The following ALPL variants were observed in gnomAD, a reference collection of about 807,000 sequenced individuals.
ALPL encodes alkaline phosphatase, biomineralization associated, also known as alkaline phosphatase, tissue-nonspecific isozyme.
Under a neutral mutation model 51.3 loss-of-function variants are expected in ALPL, and 42 were observed. The ratio of observed to expected loss-of-function variants is 0.82; its 90% CI spans 0.64 to 1.06. ALPL has a LOEUF of 1.06. Among genes scored for constraint, ALPL ranks in the 50% least tolerant of loss-of-function variants. The probability of loss-of-function intolerance (pLI) is 0.00; values close to 1 mark genes in which losing one functional copy is unlikely to be tolerated. For synonymous variants in ALPL, 279 were observed against 296.4 expected (o/e 0.94, Z 0.60); for missense variants, 589 against 709.4 (o/e 0.83, Z 1.93).
intron 1 of ALPL, among the ~76,000 whole-genome samples, chr1:21,552,114 T>TCCCCCCCCCCCCCCTCCCC (rs1244827813): frequency 9.7e-5 from 5 of 51,426 alleles, no homozygotes; most frequent in Non-Finnish European, 1.5e-4. Context: ...TTTCCTCCCC[T>TCCCCCCCCCCCCCCTCCCC]TCCCTTTCCT....
At chr1:21,527,549 C>CTTT (rs560294555) in intron 1 of ALPL, among the ~76,000 whole-genome samples, 3 of 138,278 alleles carry the variant, frequency 2.2e-5, no homozygotes, top group Non-Finnish European at 3.2e-5. Context: ...TAGCCTTTAA[C>CTTT]TTTTTTTTTT....
At chr1:21,514,091 C>T in intron 1 of ALPL, among the ~76,000 whole-genome samples, 1 of 152,216 alleles carries the variant, frequency 6.6e-6, no homozygotes, top group African/African-American at 2.4e-5. Context: ...ACACTAGCCC[C>T]TCTTCCATAG....
intron 1 of ALPL, among the ~76,000 whole-genome samples, chr1:21,526,102 T>G (rs1205517259): frequency 1.3e-5 from 2 of 152,194 alleles, no homozygotes; most frequent in African/African-American, 4.8e-5. Flanking sequence ...AGCTAAGCCT[T>G]GGGCAGAATG....
intron 1 of ALPL, among the ~76,000 whole-genome samples, chr1:21,516,273 C>T (rs1043304916): frequency 6.6e-6 from 1 of 152,198 alleles, no homozygotes; most frequent in African/African-American, 2.4e-5. Context: ...GAGTTACTAA[C>T]TGACCCGTCT....
At chr1:21,510,458 CTG>C (rs575740040) in intron 1 of ALPL, among the ~76,000 whole-genome samples, 2 of 152,332 alleles carry the variant, frequency 1.3e-5, no homozygotes, top group East Asian at 3.9e-4. Context: ...GTGGGCCCAG[CTG>C]CCCAGGGAGG....
At chr1:21,576,448 G>A in intron 10 of ALPL, 74 bp from the exon 11 acceptor site, 2 of 1,575,470 alleles carry the variant, frequency 1.3e-6, no homozygotes, top group East Asian at 4.5e-5. Context: ...AGCCACCAAG[G>A]AGCCTAATCT....
intron 4 of ALPL, among the ~76,000 whole-genome samples, chr1:21,562,750 C>G (rs1286542278): frequency 6.6e-6 from 1 of 151,910 alleles, no homozygotes; most frequent in Non-Finnish European, 1.5e-5. Flanking sequence ...AGGCCCCTCC[C>G]TCTCCCTTCT....
intron 1 of ALPL, among the ~76,000 whole-genome samples, chr1:21,552,114 T>TCCCCTCTCCTCCCC (rs1244827813): frequency 3.9e-5 from 2 of 51,434 alleles, no homozygotes; most frequent in Non-Finnish European, 7.3e-5. Flanking sequence ...TTTCCTCCCC[T>TCCCCTCTCCTCCCC]TCCCTTTCCT....
chr1:21,568,393 C>G, intron 7 of ALPL, 146 bp downstream of exon 7: 1 of 1,081,746 alleles, frequency 9.2e-7, no homozygotes, highest in South Asian at 1.5e-5. Context: ...AAGAGATATA[C>G]AAGCAGTAGA....
intron 1 of ALPL, among the ~76,000 whole-genome samples, chr1:21,524,367 C>T (rs867631216): frequency 3.3e-5 from 5 of 152,182 alleles, no homozygotes; most frequent in African/African-American, 1.2e-4. Context: ...ATGCCTGTGT[C>T]CTAGCTACTT....
chr1:21,539,831 T>C (rs1644158468), intron 1 of ALPL, among the ~76,000 whole-genome samples: 1 of 151,992 alleles, frequency 6.6e-6, no homozygotes, highest in East Asian at 1.9e-4. Flanking sequence ...ATTTTTTGTA[T>C]ATTTTTAGTA....
chr1:21,574,882 GTGGGAACAGAGGGC>G (rs1254313669), intron 9 of ALPL: 3 of 152,508 alleles, frequency 2.0e-5, no homozygotes, highest in East Asian at 3.9e-4. Context: ...GCTCAGACTG[GTGGGAACAGAGGGC>G]TGCCTGGCGC....
At position 21,577,507 on chromosome 1, in the gene ALPL, C is replaced by G; in HGVS notation, c.1434C>G (p.Asn478Lys). Residue 478 changes from asparagine (N) to lysine (K), a missense_variant, in exon 12 of 12, where the codon AAC becomes AAG. By Grantham distance (94) the Asn-to-Lys change is moderately conservative (BLOSUM62 0). Coordinates refer to ENST00000374840, the MANE Select transcript of ALPL (RefSeq NM_000478.6). ...TGCTGCACGGCGTCCACGAGCAGAA[C>G]TACGTCCCCCACGTGATGGCGTATG... ...AHLLHGVHEQ[N>K]YVPHVMAYAA... is the part of the protein sequence containing the mutation. 6.2e-7 allele frequency: 1 copy of G among 1,608,598 alleles called. No homozygotes were observed. The highest frequency in any genetic ancestry group is 8.5e-7 in the Non-Finnish European group (1 of 1,179,898).
intron 1 of ALPL, among the ~76,000 whole-genome samples, chr1:21,538,260 A>G (rs1307888226): frequency 6.6e-6 from 1 of 151,880 alleles, no homozygotes; most frequent in Non-Finnish European, 1.5e-5. Context: ...GTGGGACCTC[A>G]CCTCCATAGG....
intron 11 of ALPL, among the ~76,000 whole-genome samples, 197 bp downstream of exon 11, chr1:21,576,838 T>G (rs1644744361): frequency 6.6e-6 from 1 of 152,170 alleles, no homozygotes; most frequent in Non-Finnish European, 1.5e-5. Flanking sequence ...CTAGCAGCTC[T>G]GAGACTTTGG....
chr1:21,535,454 A>G (rs1283029843), intron 1 of ALPL, among the ~76,000 whole-genome samples: 1 of 152,148 alleles, frequency 6.6e-6, no homozygotes, highest in Non-Finnish European at 1.5e-5. Flanking sequence ...TCTACTAAAA[A>G]TAAAATCACC....
rs1644533971 is a variant in ALPL at position 21,564,378 on chromosome 1, G to T, written c.648+162G>T. On this transcript the variant is annotated intron_variant, in intron 6 of 11. Transcript: ENST00000374840. The surrounding 1 kb of genome is among the most constrained non-coding windows in gnomAD (Gnocchi z 5.8). ...AGGGGATTTGCGGTTGGGCAGGCAG[G>T]CACTGTGGGATTTCTCTGCGGTGGG... is the stretch of plus-strand genomic sequence containing the variant. 6.6e-6 allele frequency among the ~76,000 whole-genome samples: 1 copy of T among 152,182 alleles called. No individual in the cohort carries two copies. Among genetic ancestry groups the T allele is most frequent in the African/African-American group, 2.4e-5 (1 of 41,446 alleles).
In ALPL at chr1:21,560,797, C is replaced by A. The variant is rs1767430; in HGVS notation, c.181+52C>A. 0.37 allele frequency: 588,073 copies of A among 1,607,790 alleles called. 110,951 individuals are homozygous for A. The highest frequency in any genetic ancestry group is 0.46 in the Middle Eastern group (2,740 of 6,010). Reference sequence around the variant, plus strand: ...GTGGAACAGGACACCTAGCTAGGAGCCCCGGGAGCCAGGCTGAGTTGAAGG... The same window carrying A: ...GTGGAACAGGACACCTAGCTAGGAGACCCGGGAGCCAGGCTGAGTTGAAGG... On this transcript the variant is annotated intron_variant, in intron 3 of 11. Coordinates refer to ENST00000374840, the MANE Select transcript of ALPL (RefSeq NM_000478.6).
chr1:21,565,564 A>C (rs1458216844), intron 6 of ALPL, among the ~76,000 whole-genome samples: 2 of 151,574 alleles, frequency 1.3e-5, no homozygotes, highest in Admixed American at 1.3e-4. Flanking sequence ...CAGGAACTTG[A>C]AGGAAATTCG....
Sources: allele counts gnomAD v4.1 joint callset (sites outside exome capture counted in the v4.1 genomes callset), GRCh38; gene constraint gnomAD v4.1.1; non-coding constraint Gnocchi (gnomAD v3.1); transcripts MANE v1.5; gene names NCBI Gene and HGNC (gene_info 2026-07-23, HGNC 2026-07-21).